Variants in RSPH3 observed in about 807,000 individuals in gnomAD.
The protein encoded by RSPH3 is radial spoke head protein 3 homolog.
In RSPH3, 21 loss-of-function variants were observed where a neutral mutation model predicts 43.8. The observed-to-expected ratio is 0.48, with a 90% CI of 0.34 to 0.69. The LOEUF is 0.69. RSPH3 is among the 30% of genes least tolerant of loss of function. The pLI is 0.01. For missense variants in RSPH3, 487 were observed against 516.0 expected, an observed-to-expected ratio of 0.94 and a Z score of 0.54; for synonymous variants, 173 against 179.8, an observed-to-expected ratio of 0.96 and a Z score of 0.30.
At chr6:158,966,640 T>C in the RSPH3 span, among the ~76,000 whole-genome samples, 2 of 152,156 alleles carry the variant, frequency 1.3e-5, no homozygotes, top group African/African-American at 2.4e-5. Context: ...TAATAATCTT[T>C]ATTAACGTAG....
In RSPH3 at chr6:158,989,058, CTTTTT is replaced by C. The variant is rs1389161353; in HGVS notation, c.205-2642_205-2638del. Among the ~76,000 whole-genome samples the C allele has an allele frequency of 1.3e-5, 2 of 151,002 alleles. No individual in the cohort carries two copies. The highest frequency in any genetic ancestry group is 4.9e-5 in the African/African-American group (2 of 41,118). On this transcript the variant is annotated intron_variant, in intron 2 of 7. Transcript: ENST00000367069. The surrounding 1 kb of genome is among the most constrained non-coding windows in gnomAD (Gnocchi z 4.3). ...ATATTTTCTTAGAGTTTTTTTTTAT[CTTTTT>C]TGAGACAGAGTCTCGCTCTGTCACC...
Position 158,989,721 on chromosome 6 carries a change from C to A in RSPH3, c.205-3300G>T, listed in dbSNP as rs115083606. On this transcript the variant is annotated intron_variant, in intron 2 of 7. Transcript: ENST00000367069. This position sits in a 1 kb window ranked among gnomAD's most constrained non-coding sequence, Gnocchi z 4.3. ...GTGGGTTGAATTTCCTGCCAGGAAA[C>A]CCAACATGGTAGGGAAACTAGTTGT... 5.4e-3 allele frequency among the ~76,000 whole-genome samples: 829 copies of A among 152,268 alleles called. 8 individuals are homozygous for A. The highest frequency in any genetic ancestry group is 0.019 in the African/African-American group (779 of 41,546).
In RSPH3 at chr6:158,977,414, TAC is replaced by T; in HGVS notation, c.*122_*123del. The stretch of plus-strand genomic sequence containing the variant: ...ATCACATTTGATTGGCCCAGTCCAT[TAC>T]ACAAAAAGACATACTGACTAAATAC... On this transcript the variant is annotated 3_prime_UTR_variant, in exon 8 of 8. Transcript: ENST00000367069. The T allele has an allele frequency of 1.2e-6, 1 of 800,282 alleles. No individual in the cohort carries two copies. Among genetic ancestry groups the T allele is most frequent in the South Asian group, 1.8e-5 (1 of 57,082 alleles). The allele number at this position is 800,282 out of a possible 1,614,324, so 49.6% of individuals were successfully genotyped here. A position where few individuals can be genotyped will look rare whatever the true frequency, so the allele number is the denominator to read the frequency against.
At chr6:158,986,532 T>G in intron 2 of RSPH3, 111 bp from the exon 3 acceptor site, 1 of 786,312 alleles carries the variant, frequency 1.3e-6, no homozygotes, top group Non-Finnish European at 2.0e-6. Context: ...TGTCATAATG[T>G]TTCTTGATTA....
chr6:158,982,383 C>A (rs1213182041), intron 5 of RSPH3, 102 bp downstream of exon 5: 6 of 711,912 alleles, frequency 8.4e-6, no homozygotes, highest in Non-Finnish European at 1.1e-5. Flanking sequence ...AATATATTCC[C>A]AAAGATCTTT....
rs1197427575 is a variant in RSPH3 at position 158,977,343 on chromosome 6, A to G, written c.*195T>C. On this transcript the variant is annotated 3_prime_UTR_variant, in exon 8 of 8. Transcript: ENST00000367069. The stretch of plus-strand genomic sequence containing the variant: ...TTACAATATAGCCTTTGAATATTCT[A>G]TTAAATAAATGAATTCAATTTAAGT... 5.6e-6 allele frequency: 3 copies of G among 537,100 alleles called. No individual in the cohort carries two copies. Among genetic ancestry groups the G allele is most frequent in the Non-Finnish European group, 9.7e-6 (3 of 307,812 alleles). 33.3% of individuals were successfully genotyped at this position (537,100 alleles called of 1,614,324 possible). A position where few individuals can be genotyped will look rare whatever the true frequency, so the allele number is the denominator to read the frequency against.
rs10455837 is a variant in RSPH3, at chr6:158,978,634, A to G, written c.860-288T>C. On this transcript the variant is annotated intron_variant, in intron 6 of 7. Coordinates refer to ENST00000367069, the MANE Select transcript of RSPH3 (RefSeq NM_031924.8). ...CTGCTCACTGCAACCTCCGCTTCCC[A>G]GGTTCAAGTGGTTCTCCTGCCTCAG... Among the ~76,000 whole-genome samples the G allele has an allele frequency of 0.22, 32,830 of 152,056 alleles. 4,904 individuals carry two copies. The highest frequency in any genetic ancestry group is 0.42 in the East Asian group (2,148 of 5,174).
downstream of RSPH3, among the ~76,000 whole-genome samples, chr6:158,971,213 T>C (rs117730497): frequency 0.018 from 2,712 of 152,258 alleles, 34 homozygotes; most frequent in Middle Eastern, 0.024. Flanking sequence ...TACTGTGGAG[T>C]TGGGAAGAGC....
intron 3 of RSPH3, among the ~76,000 whole-genome samples, chr6:158,985,899 C>T (rs955384904): frequency 1.6e-4 from 24 of 151,464 alleles, no homozygotes; most frequent in Admixed American, 3.9e-4. Context: ...CTGCAACCTC[C>T]GCCTCCCGGG....
downstream of RSPH3, among the ~76,000 whole-genome samples, chr6:158,969,019 T>A (rs545830224): frequency 6.6e-6 from 1 of 152,356 alleles, no homozygotes; most frequent in African/African-American, 2.4e-5. Context: ...TGCTTTATGA[T>A]GTAACTGTCT....
At position 158,999,513 on chromosome 6, in the gene RSPH3, G is replaced by A. The variant is rs61750776; in HGVS notation, c.38C>T (p.Pro13Leu). 14 of 1,566,556 alleles carry A rather than the reference G, an allele frequency of 8.9e-6. 1 individual carries two copies. In the East Asian group the frequency reaches 2.7e-4, roughly 30 times the overall value. Residue 13 changes from proline to leucine, a missense_variant, in exon 1 of 8, where the codon CCG (proline) becomes CTG (leucine). Coordinates refer to ENST00000367069, the MANE Select transcript of RSPH3 (RefSeq NM_031924.8). ...SALTDRTSRA[P>L]STYTYTSRPR... Reference sequence around the variant, plus strand: ...CCGGCTGGTGTAGGTGTAGGTGCTCGGGGCCCGAGAGGTGCGATCAGTCAG... The same window carrying A: ...CCGGCTGGTGTAGGTGTAGGTGCTCAGGGCCCGAGAGGTGCGATCAGTCAG...
At chr6:158,964,375 T>C in the RSPH3 span, among the ~76,000 whole-genome samples, 1 of 152,214 alleles carries the variant, frequency 6.6e-6, no homozygotes, top group African/African-American at 2.4e-5. Flanking sequence ...TGTATTGTGA[T>C]TGTATGGTCT....
chr6:158,992,457 GTTTTTTT>G (rs35383020), intron 2 of RSPH3, among the ~76,000 whole-genome samples: 1 of 127,906 alleles, frequency 7.8e-6, no homozygotes, highest in Non-Finnish European at 1.7e-5. Flanking sequence ...TTTTTGTGGG[GTTTTTTT>G]TTTTTTTTTT....
chr6:158,986,796 A>G (rs1046104738), intron 2 of RSPH3, among the ~76,000 whole-genome samples: 1 of 152,134 alleles, frequency 6.6e-6, no homozygotes, highest in Non-Finnish European at 1.5e-5. Flanking sequence ...ATTGATTTCT[A>G]GTTTTACTTC....
intron 6 of RSPH3, 137 bp downstream of exon 6, chr6:158,980,637 C>T: frequency 1.5e-6 from 1 of 684,498 alleles, no homozygotes; most frequent in Admixed American, 2.8e-5. Flanking sequence ...ACTGTACTTA[C>T]TTTAAACAAC....
At chr6:158,963,011 G>T in the RSPH3 span, among the ~76,000 whole-genome samples, 1 of 152,094 alleles carries the variant, frequency 6.6e-6, no homozygotes, top group African/African-American at 2.4e-5. Context: ...TATAATTTTA[G>T]AAGAGTAAAA....
At chr6:158,997,635 T>G (rs1778639671) in intron 1 of RSPH3, among the ~76,000 whole-genome samples, 1 of 152,184 alleles carries the variant, frequency 6.6e-6, no homozygotes, top group Non-Finnish European at 1.5e-5. Flanking sequence ...AATAAACTAA[T>G]CAATAGATTA....
chr6:158,998,909 C>G (rs147917972), intron 1 of RSPH3, among the ~76,000 whole-genome samples: 5 of 151,898 alleles, frequency 3.3e-5, no homozygotes, highest in African/African-American at 7.2e-5. Flanking sequence ...CCACCACCAC[C>G]ACCACAAAAA....
At chr6:158,979,753 A>C (rs1777969704) in intron 6 of RSPH3, among the ~76,000 whole-genome samples, 1 of 152,208 alleles carries the variant, frequency 6.6e-6, no homozygotes, top group African/African-American at 2.4e-5. Context: ...ACTACTGGCC[A>C]ACAAAATAGG....
Sources: allele counts gnomAD v4.1 joint callset (sites outside exome capture counted in the v4.1 genomes callset), GRCh38; gene constraint gnomAD v4.1.1; non-coding constraint Gnocchi (gnomAD v3.1); transcripts MANE v1.5; gene names NCBI Gene and HGNC (gene_info 2026-07-23, HGNC 2026-07-21).